Variants in MBNL1 observed in about 807,000 individuals in gnomAD.
The protein encoded by MBNL1 is muscleblind like splicing regulator 1, also known as muscleblind-like protein 1.
Under a neutral mutation model 42.2 loss-of-function variants are expected in MBNL1, and 8 were observed. That is an observed-to-expected ratio of 0.19 (90% CI 0.11 to 0.34). The LOEUF (loss-of-function observed/expected upper bound fraction) is 0.34. Among genes scored for constraint, MBNL1 ranks in the 10% least tolerant of loss-of-function variants. The pLI is 1.00. For missense variants in MBNL1, 309 were observed against 495.3 expected (o/e 0.62, Z 3.57); for synonymous variants, 169 against 173.9 (o/e 0.97, Z 0.22).
At chr3:152,402,101 T>C (rs1334911057) in intron 2 of MBNL1, among the ~76,000 whole-genome samples, 1 of 151,622 alleles carries the variant, frequency 6.6e-6, no homozygotes, top group African/African-American at 2.4e-5. Flanking sequence ...TTTAACTTGA[T>C]GGTGAGCTGG....
chr3:152,413,021 A>G (rs2098625840), intron 2 of MBNL1, among the ~76,000 whole-genome samples: 1 of 152,212 alleles, frequency 6.6e-6, no homozygotes, highest in Non-Finnish European at 1.5e-5. Context: ...AGGAGACTTC[A>G]ACTAAATATC....
chr3:152,405,156 A>T (rs1355609831), intron 2 of MBNL1, among the ~76,000 whole-genome samples: 1 of 152,188 alleles, frequency 6.6e-6, no homozygotes, highest in African/African-American at 2.4e-5. Context: ...GTTCTGACCT[A>T]GAGTCATCTG....
At chr3:152,269,559 T>C (rs926476849) in intron 1 of MBNL1, 3 of 454,584 alleles carry the variant, frequency 6.6e-6, no homozygotes, top group Non-Finnish European at 1.3e-5. Flanking sequence ...GCCAAATATG[T>C]GCACGCAAAG....
chr3:152,337,015 AT>A (rs552597603), intron 2 of MBNL1, among the ~76,000 whole-genome samples: 73 of 152,160 alleles, frequency 4.8e-4, no homozygotes, highest in Non-Finnish European at 8.4e-4. Flanking sequence ...TTCCTAAATG[AT>A]TTTGACCATT....
chr3:152,289,461 A>G (rs1337591926), intron 1 of MBNL1, among the ~76,000 whole-genome samples: 3 of 152,048 alleles, frequency 2.0e-5, no homozygotes, highest in Non-Finnish European at 4.4e-5. Flanking sequence ...GGAGTTGTCA[A>G]TGCATGTCTT....
intron 2 of MBNL1, among the ~76,000 whole-genome samples, chr3:152,348,708 A>C (rs1019533612): frequency 1.3e-5 from 2 of 152,136 alleles, no homozygotes; most frequent in African/African-American, 2.4e-5. Context: ...TAAGAAAATT[A>C]TAGCGGTTTA....
Position 152,464,313 on chromosome 3 carries a change from A to G in MBNL1, c.*1947A>G, listed in dbSNP as rs1749223632. ...GTGTCACATGAATATTCGTATTGTTAACTAAATGATTTATATTTTACTGAT... is the reference window on the plus strand; with the variant it reads ...GTGTCACATGAATATTCGTATTGTTGACTAAATGATTTATATTTTACTGAT... On this transcript the variant is annotated 3_prime_UTR_variant, in exon 10 of 10. Coordinates refer to ENST00000324210, the MANE Select transcript of MBNL1 (RefSeq NM_021038.5). 1 of 152,564 alleles carries G rather than the reference A, an allele frequency of 6.6e-6. No individual in the cohort carries two copies. The highest frequency in any genetic ancestry group is 2.4e-5 in the African/African-American group (1 of 41,448). 9.5% of individuals were successfully genotyped at this position (152,564 alleles called of 1,614,324 possible).
intron 2 of MBNL1, among the ~76,000 whole-genome samples, chr3:152,320,916 T>G (rs1189127170): frequency 6.6e-6 from 1 of 152,058 alleles, no homozygotes; most frequent in Non-Finnish European, 1.5e-5. Context: ...GAAAAAAAGT[T>G]TTGTCTTCCA....
chr3:152,416,443 T>C (rs753201403), intron 3 of MBNL1, among the ~76,000 whole-genome samples: 1 of 152,180 alleles, frequency 6.6e-6, no homozygotes, highest in Non-Finnish European at 1.5e-5. Context: ...GTTAAAAAAA[T>C]TAGCTATAAT....
Position 152,464,628 on chromosome 3 carries a change from C to T in MBNL1, c.*2262C>T, listed in dbSNP as rs906757588. The T allele has an allele frequency of 4.6e-5, 7 of 152,492 alleles. No individual in the cohort carries two copies. Among genetic ancestry groups the T allele is most frequent in the African/African-American group, 1.7e-4 (7 of 41,424 alleles). The allele number at this position is 152,492 out of a possible 1,614,324, so 9.4% of individuals were successfully genotyped here. On this transcript the variant is annotated 3_prime_UTR_variant, in exon 10 of 10. Coordinates refer to ENST00000324210, the MANE Select transcript of MBNL1 (RefSeq NM_021038.5). ...AAATATTGTTTAATATTTTTGAAAT[C>T]CCTGAGTATCAGGCCTTGTTATAAA...
At chr3:152,369,176 A>G (rs1031517323) in intron 2 of MBNL1, among the ~76,000 whole-genome samples, 10 of 152,270 alleles carry the variant, frequency 6.6e-5, no homozygotes, top group Admixed American at 5.9e-4. Flanking sequence ...TTATTTTGAG[A>G]TACATTCATC....
chr3:152,376,543 T>C (rs538932904), intron 2 of MBNL1, among the ~76,000 whole-genome samples: 3 of 152,226 alleles, frequency 2.0e-5, no homozygotes, highest in Non-Finnish European at 4.4e-5. Context: ...CAAGACTTGC[T>C]GACTAATGGT....
intron 2 of MBNL1, among the ~76,000 whole-genome samples, chr3:152,356,355 C>G (rs2095517626): frequency 6.6e-6 from 1 of 152,034 alleles, no homozygotes. Context: ...AGGGTATTGT[C>G]TCTTTATAAA....
chr3:152,252,387 T>G (rs920154628), intron 2 of MBNL1, among the ~76,000 whole-genome samples: 3 of 151,664 alleles, frequency 2.0e-5, no homozygotes, highest in Admixed American at 1.3e-4. Flanking sequence ...AATTTTAGGG[T>G]TTTTCCCTTT....
chr3:152,424,894 T>C (rs996283844), intron 3 of MBNL1, among the ~76,000 whole-genome samples: 1 of 152,196 alleles, frequency 6.6e-6, no homozygotes, highest in Non-Finnish European at 1.5e-5. Context: ...ACTGGACCCC[T>C]TTCTTGCACC....
intron 1 of MBNL1, among the ~76,000 whole-genome samples, chr3:152,291,032 T>C (rs2055634939): frequency 6.6e-6 from 1 of 152,186 alleles, no homozygotes; most frequent in Non-Finnish European, 1.5e-5. Flanking sequence ...TATTTTGAAA[T>C]ATTAAATGAT....
intron 3 of MBNL1, among the ~76,000 whole-genome samples, chr3:152,424,601 A>G (rs548071912): frequency 6.6e-6 from 1 of 152,286 alleles, no homozygotes; most frequent in Non-Finnish European, 1.5e-5. Flanking sequence ...ATATGGAACC[A>G]AAAAACAGCC....
chr3:152,310,039 A>G (rs2065462810), intron 2 of MBNL1, among the ~76,000 whole-genome samples: 1 of 152,240 alleles, frequency 6.6e-6, no homozygotes, highest in African/African-American at 2.4e-5. Flanking sequence ...CTTCCTGTGT[A>G]TCTGAGAAGT....
chr3:152,256,004 G>A (rs2035398466), intron 2 of MBNL1, among the ~76,000 whole-genome samples: 1 of 152,164 alleles, frequency 6.6e-6, no homozygotes, highest in African/African-American at 2.4e-5. Flanking sequence ...AAGTCACATA[G>A]ACTGCAGACC....
Sources: gnomAD v4.1 joint callset for allele counts (sites outside exome capture counted in the v4.1 genomes callset) on GRCh38, gnomAD v4.1.1 for gene constraint, MANE v1.5 for transcripts, NCBI Gene and HGNC (gene_info 2026-07-23, HGNC 2026-07-21) for gene names.